Variants in NAV1 observed in about 807,000 individuals in gnomAD.
NAV1 encodes pore membrane and/or filament interacting like protein 3.
A neutral mutation model predicts 175.2 loss-of-function variants in NAV1; 18 were observed. The observed-to-expected ratio is 0.10, with a 90% CI of 0.07 to 0.15. The LOEUF (loss-of-function observed/expected upper bound fraction) is 0.15, where lower values mean the gene tolerates loss of function less well. NAV1 is among the 10% of genes least tolerant of loss of function. The pLI is 1.00. For synonymous variants in NAV1, 897 were observed against 978.7 expected (o/e 0.92, Z 1.56); for missense variants, 1,731 against 2,436.6 (o/e 0.71, Z 6.10).
intron 3 of NAV1, chr1:201,739,879 A>C: frequency 7.8e-7 from 1 of 1,284,914 alleles, no homozygotes; most frequent in East Asian, 3.1e-5. Context: ...GAGAAAAGGG[A>C]GCGGAGGGCA....
At chr1:201,622,348 A>T (rs1460078620), upstream of NAV1, among the ~76,000 whole-genome samples, 1 of 152,148 alleles carries the variant, frequency 6.6e-6, no homozygotes, top group Non-Finnish European at 1.5e-5. Flanking sequence ...CAGCATGTGG[A>T]AGAAGGTTGC....
At chr1:201,635,965 G>A (rs1668607447) in intron 2 of NAV1, among the ~76,000 whole-genome samples, 1 of 152,236 alleles carries the variant, frequency 6.6e-6, no homozygotes, top group South Asian at 2.1e-4. Flanking sequence ...CTGTGGAGCA[G>A]TTACAAGTTT....
chr1:201,805,393 T>C (rs1022389420), intron 17 of NAV1, among the ~76,000 whole-genome samples: 1 of 152,078 alleles, frequency 6.6e-6, no homozygotes, highest in African/African-American at 2.4e-5. Flanking sequence ...AAAGTTAAAC[T>C]GAGATGCAAT....
upstream of NAV1, among the ~76,000 whole-genome samples, chr1:201,647,554 TG>T (rs1418557053): frequency 7.2e-5 from 11 of 152,154 alleles, no homozygotes; most frequent in Non-Finnish European, 1.5e-4. Context: ...CCCAGTTTCC[TG>T]ATCTCAAGAG....
chr1:201,786,611 G>T (rs1304539735), intron 9 of NAV1, 34 bp downstream of exon 13: 3 of 1,597,578 alleles, frequency 1.9e-6, no homozygotes, highest in Non-Finnish European at 2.6e-6. Flanking sequence ...GTGGCATGGG[G>T]TGAAGCAGGG....
At chr1:201,691,631 C>G (rs1351896657) in intron 1 of NAV1, among the ~76,000 whole-genome samples, 1 of 152,182 alleles carries the variant, frequency 6.6e-6, no homozygotes, top group Non-Finnish European at 1.5e-5. Context: ...TCACAGGCAG[C>G]CCAGTCCCTG....
chr1:201,728,468 C>G (rs1672704373), intron 3 of NAV1, among the ~76,000 whole-genome samples: 1 of 151,944 alleles, frequency 6.6e-6, no homozygotes, highest in South Asian at 2.1e-4. Flanking sequence ...GTGGCAGGCT[C>G]CTGTAATCCT....
At chr1:201,693,567 G>C (rs1164108269) in intron 1 of NAV1, among the ~76,000 whole-genome samples, 1 of 152,202 alleles carries the variant, frequency 6.6e-6, no homozygotes, top group Non-Finnish European at 1.5e-5. Flanking sequence ...GTTGATGAGA[G>C]GGGCTCAGAG....
In NAV1 at chr1:201,718,642, C is replaced by T. The variant is rs981848627; in HGVS notation, c.1113C>T (p.Arg371=). Residue 371 remains arginine (R), a synonymous_variant, in exon 3 of 30, where the codon CGC becomes CGT. Transcript: ENST00000367296. The surrounding 1 kb of genome is among the most constrained non-coding windows in gnomAD (Gnocchi z 4.8). ...CCAGCAAGCTCAGCCATATCTCCCG[C>T]CTGGAGCTGGTCGAATCCCTGGACT... 5 of 1,614,062 alleles carry T rather than the reference C, an allele frequency of 3.1e-6. No individual in the cohort carries two copies. The highest frequency in any genetic ancestry group is 4.2e-6 in the Non-Finnish European group (5 of 1,180,046).
chr1:201,682,572 C>T (rs1229033518), intron 1 of NAV1, among the ~76,000 whole-genome samples: 1 of 152,142 alleles, frequency 6.6e-6, no homozygotes, highest in Non-Finnish European at 1.5e-5. Context: ...GGATTGGTTC[C>T]AGGACCACTG....
chr1:201,780,239 A>T (rs1024070242), intron 3 of NAV1, among the ~76,000 whole-genome samples, 182 bp from the exon 8 acceptor site: 2 of 152,198 alleles, frequency 1.3e-5, no homozygotes, highest in African/African-American at 4.8e-5. Context: ...GAACATCACC[A>T]AATTACAAGG....
chr1:201,801,928 A>G (rs72742041), intron 15 of NAV1, among the ~76,000 whole-genome samples: 74,773 of 150,152 alleles, frequency 0.5, 19,807 homozygotes, highest in South Asian at 0.65. Flanking sequence ...CTGAGGTCAG[A>G]AGTTTGAGAC....
At chr1:201,679,989 A>G (rs745830217) in intron 1 of NAV1, among the ~76,000 whole-genome samples, 2 of 152,140 alleles carry the variant, frequency 1.3e-5, no homozygotes, top group Non-Finnish European at 2.9e-5. Flanking sequence ...ATTCAGTACT[A>G]TGTATGTTAG....
At chr1:201,636,963 T>C (rs535323931) in intron 2 of NAV1, among the ~76,000 whole-genome samples, 1 of 152,238 alleles carries the variant, frequency 6.6e-6, no homozygotes, top group Non-Finnish European at 1.5e-5. Context: ...GTTCTCATCA[T>C]GGCATTGGAA....
At chr1:201,633,179 G>A (rs1454849192) in intron 2 of NAV1, among the ~76,000 whole-genome samples, 2 of 152,160 alleles carry the variant, frequency 1.3e-5, no homozygotes, top group African/African-American at 2.4e-5. Flanking sequence ...GAAGTTAGCA[G>A]GTGAACTAAA....
intron 1 of NAV1, among the ~76,000 whole-genome samples, chr1:201,667,469 C>T (rs992135260): frequency 1.3e-5 from 2 of 152,158 alleles, no homozygotes; most frequent in African/African-American, 4.8e-5. Context: ...AACCGACATG[C>T]CCAAAAGCAA....
intron 15 of NAV1, among the ~76,000 whole-genome samples, chr1:201,802,756 G>A (rs1279374628): frequency 6.6e-6 from 1 of 151,746 alleles, no homozygotes; most frequent in East Asian, 1.9e-4. Context: ...TCCAGCCTGG[G>A]TGACAGAGCA....
chr1:201,726,241 G>T (rs1672601656), intron 3 of NAV1, among the ~76,000 whole-genome samples: 2 of 152,168 alleles, frequency 1.3e-5, no homozygotes, highest in Non-Finnish European at 2.9e-5. Flanking sequence ...GCCTCTCTGA[G>T]TCTTAGTTTG....
rs1159938840 is a variant in NAV1 at position 201,800,100 on chromosome 1, T to G, written c.3518-3493T>G. Reference sequence around the variant, plus strand: ...CTGCAGCCTCGATCCCTGGGACTCATATGATTTTCCCACCTAAGCCTCCGG... The same window carrying G: ...CTGCAGCCTCGATCCCTGGGACTCAGATGATTTTCCCACCTAAGCCTCCGG... On this transcript the variant is annotated intron_variant, in intron 15 of 29. Coordinates refer to ENST00000367296, the Ensembl canonical transcript of NAV1. Among the ~76,000 whole-genome samples, 8 of 152,142 alleles carry G rather than the reference T, an allele frequency of 5.3e-5. No homozygotes were observed. In the South Asian group the frequency reaches 1.7e-3, roughly 32 times the overall value.
Sources: allele counts gnomAD v4.1 joint callset (sites outside exome capture counted in the v4.1 genomes callset), GRCh38; gene constraint gnomAD v4.1.1; non-coding constraint Gnocchi (gnomAD v3.1); transcripts MANE v1.5; gene names NCBI Gene and HGNC (gene_info 2026-07-23, HGNC 2026-07-21).